The following RORA variants were observed in gnomAD, a reference collection of about 807,000 sequenced individuals.
RORA encodes RAR related orphan receptor A.
In RORA, 7 loss-of-function variants were observed where a neutral mutation model predicts 69.5. That is an observed-to-expected ratio of 0.10 (90% CI 0.06 to 0.19). The LOEUF (loss-of-function observed/expected upper bound fraction) is 0.19. Among genes scored for constraint, RORA ranks in the 10% least tolerant of loss-of-function variants. The pLI is 1.00. For synonymous variants in RORA, 261 were observed against 240.8 expected, an observed-to-expected ratio of 1.08 and a Z score of -0.78; for missense variants, 457 against 663.0, an observed-to-expected ratio of 0.69 and a Z score of 3.41.
At chr15:61,065,732 A>C (rs1339639412) in intron 1 of RORA, among the ~76,000 whole-genome samples, 1 of 152,114 alleles carries the variant, frequency 6.6e-6, no homozygotes, top group Non-Finnish European at 1.5e-5. Context: ...ATGCTGGTAA[A>C]AGTTTGACTG....
At chr15:60,863,888 C>G (rs2073458297) in intron 1 of RORA, among the ~76,000 whole-genome samples, 1 of 151,904 alleles carries the variant, frequency 6.6e-6, no homozygotes, top group Non-Finnish European at 1.5e-5. Flanking sequence ...CTCACTGCAA[C>G]CTCCGCCTCC....
At chr15:60,526,108 C>G (rs144131644) in intron 3 of RORA, among the ~76,000 whole-genome samples, 1 of 152,132 alleles carries the variant, frequency 6.6e-6, no homozygotes, top group Non-Finnish European at 1.5e-5. Context: ...GCCTCATTCA[C>G]GAAAGTTAGC....
intron 1 of RORA, among the ~76,000 whole-genome samples, chr15:60,743,652 A>G (rs1017715017): frequency 6.6e-6 from 1 of 152,236 alleles, no homozygotes; most frequent in African/African-American, 2.4e-5. Context: ...TCCACAAGGC[A>G]TGGTGAGTGG....
At chr15:60,585,431 G>A (rs1373692347) in intron 2 of RORA, among the ~76,000 whole-genome samples, 2 of 151,606 alleles carry the variant, frequency 1.3e-5, no homozygotes, top group African/African-American at 4.9e-5. Context: ...GAAACCAAGG[G>A]GTTAATAGTT....
chr15:61,196,966 C>T (rs911237459), intron 1 of RORA, among the ~76,000 whole-genome samples: 3 of 152,146 alleles, frequency 2.0e-5, no homozygotes, highest in Admixed American at 6.5e-5. Context: ...TTTAACTCTG[C>T]AGGTTTAAGG....
At chr15:60,522,243 A>C (rs2066193383) in intron 3 of RORA, among the ~76,000 whole-genome samples, 1 of 152,178 alleles carries the variant, frequency 6.6e-6, no homozygotes, top group African/African-American at 2.4e-5. Context: ...TTATCCTTAT[A>C]TCTGAAGGTG....
At chr15:60,691,430 AC>A (rs968068992) in intron 1 of RORA, among the ~76,000 whole-genome samples, 15 of 152,290 alleles carry the variant, frequency 9.8e-5, no homozygotes, top group African/African-American at 3.6e-4. Flanking sequence ...ATAGATACTC[AC>A]AAAAAATTGT....
At chr15:60,650,452 G>A (rs867861895) in intron 2 of RORA, among the ~76,000 whole-genome samples, 1 of 152,184 alleles carries the variant, frequency 6.6e-6, no homozygotes, top group Non-Finnish European at 1.5e-5. Flanking sequence ...CCCCCAGAGT[G>A]GGGGAGGGGA....
intron 1 of RORA, among the ~76,000 whole-genome samples, chr15:60,944,346 C>T (rs888552061): frequency 1.3e-5 from 2 of 152,134 alleles, no homozygotes; most frequent in African/African-American, 4.8e-5. Flanking sequence ...GAACACCGTA[C>T]TAAGGGCCAG....
intron 1 of RORA, among the ~76,000 whole-genome samples, chr15:60,710,279 A>G (rs1459289872): frequency 1.3e-5 from 2 of 152,134 alleles, no homozygotes; most frequent in Admixed American, 6.5e-5. Flanking sequence ...ACCTGAGGTC[A>G]GGAGTTCGAG....
chr15:61,175,885 G>A (rs2079625157), intron 1 of RORA, among the ~76,000 whole-genome samples: 2 of 152,064 alleles, frequency 1.3e-5, no homozygotes, highest in South Asian at 4.2e-4. Context: ...ATAAGAAAAT[G>A]TCACAAGTTA....
intron 1 of RORA, among the ~76,000 whole-genome samples, chr15:60,776,780 A>G (rs2072173718): frequency 6.6e-6 from 1 of 152,182 alleles, no homozygotes; most frequent in Non-Finnish European, 1.5e-5. Context: ...TAACAGTGCA[A>G]TTACCGTCTT....
At chr15:61,179,934 C>G (rs897217207) in intron 1 of RORA, among the ~76,000 whole-genome samples, 1 of 150,402 alleles carries the variant, frequency 6.6e-6, no homozygotes, top group Non-Finnish European at 1.5e-5. Flanking sequence ...GTCAGGAGTT[C>G]GAGACCAGCC....
intron 1 of RORA, among the ~76,000 whole-genome samples, chr15:60,920,328 A>G (rs753943846): frequency 3.8e-4 from 58 of 152,230 alleles, no homozygotes; most frequent in Non-Finnish European, 1.2e-4. Flanking sequence ...TCTTTGTCTT[A>G]AAGAAGCAGA....
At chr15:60,768,555 C>T (rs886822608) in intron 1 of RORA, among the ~76,000 whole-genome samples, 18 of 152,080 alleles carry the variant, frequency 1.2e-4, no homozygotes, top group Non-Finnish European at 5.9e-5. Context: ...TTTTTGAAAG[C>T]GTTAAATAAT....
chr15:60,817,034 T>C (rs2072827721), intron 1 of RORA, among the ~76,000 whole-genome samples: 1 of 152,236 alleles, frequency 6.6e-6, no homozygotes, highest in Admixed American at 6.5e-5. Context: ...AATAATAGTA[T>C]ATATTTATGG....
At chr15:61,141,909 G>A (rs1349605865) in intron 1 of RORA, among the ~76,000 whole-genome samples, 1 of 5,220 alleles carries the variant, frequency 1.9e-4, no homozygotes, top group Non-Finnish European at 1.1e-3. Flanking sequence ...GGTTCAGGAG[G>A]GGGAAAGAGA....
In RORA at chr15:61,147,224, G is replaced by A. The variant is rs1461535585; in HGVS notation, c.166+81829C>T. ...CCTTGAACCACACAGCACCGTGGTC[G>A]TTTCCACCACCCAAGAGAACCGTAA... On this transcript the variant is annotated intron_variant, in intron 1 of 10. Coordinates refer to ENST00000335670, the MANE Select transcript of RORA (RefSeq NM_134261.3). This position sits in a 1 kb window ranked among gnomAD's most constrained non-coding sequence, Gnocchi z 4.1. Among the ~76,000 whole-genome samples, 6 of 152,128 alleles carry A rather than the reference G, an allele frequency of 3.9e-5. No homozygotes were observed. Among genetic ancestry groups the A allele is most frequent in the East Asian group, 1.9e-4 (1 of 5,194 alleles).
intron 2 of RORA, among the ~76,000 whole-genome samples, chr15:60,669,335 G>A (rs886938916): frequency 3.9e-5 from 4 of 103,074 alleles, no homozygotes; most frequent in Non-Finnish European, 7.9e-5. Flanking sequence ...CCCAATAAGC[G>A]TTTTTTTGTT....
Sources: gnomAD v4.1 joint callset for allele counts (sites outside exome capture counted in the v4.1 genomes callset) on GRCh38, gnomAD v4.1.1 for gene constraint, Gnocchi (gnomAD v3.1) non-coding constraint, MANE v1.5 for transcripts, NCBI Gene and HGNC (gene_info 2026-07-23, HGNC 2026-07-21) for gene names.